Variants in GPM6A observed in about 807,000 individuals in gnomAD.
The protein encoded by GPM6A is glycoprotein M6A.
A neutral mutation model predicts 32.1 loss-of-function variants in GPM6A; 7 were observed. The observed-to-expected ratio is 0.22, with a 90% CI of 0.12 to 0.41. The LOEUF is 0.41. GPM6A is among the 10% of genes least tolerant of loss of function. GPM6A has a pLI of 1.00. For synonymous variants in GPM6A, 130 were observed against 123.4 expected (o/e 1.05, Z -0.35); for missense variants, 235 against 347.2 (o/e 0.68, Z 2.57).
At chr4:175,909,159 G>C (rs1451412432) in intron 1 of GPM6A, among the ~76,000 whole-genome samples, 2 of 151,012 alleles carry the variant, frequency 1.3e-5, no homozygotes, top group Non-Finnish European at 2.9e-5. Context: ...GGGAAAGATA[G>C]GTCAGAAAAT....
chr4:175,744,138 G>C (rs4577522), intron 1 of GPM6A, among the ~76,000 whole-genome samples: 32,970 of 151,868 alleles, frequency 0.22, 3,839 homozygotes, highest in East Asian at 0.26. Context: ...AAACAAATGT[G>C]AAAATGTTTG....
At chr4:175,902,591 T>G (rs1416365705) in intron 1 of GPM6A, among the ~76,000 whole-genome samples, 2 of 152,058 alleles carry the variant, frequency 1.3e-5, no homozygotes, top group Admixed American at 6.6e-5. Flanking sequence ...AAGATTTGGG[T>G]GGGGTGGCCA....
chr4:175,641,599 A>G (rs1005523647), intron 4 of GPM6A: 1 of 152,192 alleles, frequency 6.6e-6, no homozygotes, highest in Non-Finnish European at 1.5e-5. Flanking sequence ...ACATACAGGC[A>G]TGATAAAACA....
chr4:175,712,501 C>T (rs948059712), intron 1 of GPM6A, among the ~76,000 whole-genome samples: 2 of 152,182 alleles, frequency 1.3e-5, no homozygotes, highest in African/African-American at 2.4e-5. Flanking sequence ...AAAGCAAATG[C>T]TTTTATTTAG....
intron 1 of GPM6A, among the ~76,000 whole-genome samples, chr4:175,773,804 C>T (rs1004263151): frequency 1.9e-4 from 29 of 152,204 alleles, no homozygotes; most frequent in African/African-American, 6.7e-4. Flanking sequence ...AGACAAAAGG[C>T]TTGCCCGAGC....
chr4:175,727,527 T>C (rs2111131969), intron 1 of GPM6A, among the ~76,000 whole-genome samples: 2 of 152,314 alleles, frequency 1.3e-5, no homozygotes, highest in Admixed American at 1.3e-4. Flanking sequence ...TTTAATTAAA[T>C]ACTTAATTTT....
chr4:175,637,290 A>G (rs1327891709), intron 6 of GPM6A, among the ~76,000 whole-genome samples: 1 of 54,666 alleles, frequency 1.8e-5, no homozygotes, highest in Non-Finnish European at 3.1e-5. Flanking sequence ...ATTATATAAA[A>G]TATATATTAT....
intron 1 of GPM6A, among the ~76,000 whole-genome samples, chr4:175,844,759 A>G (rs1269972525): frequency 6.6e-6 from 1 of 152,146 alleles, no homozygotes; most frequent in Non-Finnish European, 1.5e-5. Flanking sequence ...AATTCCTCCA[A>G]TGCCTCTTAG....
chr4:175,996,994 C>G (rs1277758208), intron 1 of GPM6A, among the ~76,000 whole-genome samples: 1 of 151,984 alleles, frequency 6.6e-6, no homozygotes, highest in Admixed American at 6.6e-5. Context: ...CCTCTTGAAA[C>G]CTAGCCACCA....
intron 2 of GPM6A, among the ~76,000 whole-genome samples, chr4:175,680,081 G>A (rs1579376852): frequency 6.6e-6 from 1 of 152,144 alleles, no homozygotes; most frequent in East Asian, 1.9e-4. Context: ...ACACATGTAT[G>A]TATACACACA....
At chr4:175,731,482 C>T (rs773203459) in intron 1 of GPM6A, among the ~76,000 whole-genome samples, 1 of 151,856 alleles carries the variant, frequency 6.6e-6, no homozygotes, top group Non-Finnish European at 1.5e-5. Flanking sequence ...TAAGGAATGT[C>T]GCTCTCCACA....
intron 2 of GPM6A, among the ~76,000 whole-genome samples, chr4:175,683,441 G>A (rs763999716): frequency 1.3e-5 from 2 of 152,138 alleles, no homozygotes; most frequent in Non-Finnish European, 2.9e-5. Flanking sequence ...TGACTGTTGG[G>A]AAGGCATGAT....
intron 1 of GPM6A, among the ~76,000 whole-genome samples, chr4:175,709,412 A>G (rs1366983399): frequency 6.7e-6 from 1 of 149,916 alleles, no homozygotes; most frequent in Non-Finnish European, 1.5e-5. Flanking sequence ...AGGACAACCT[A>G]TGTTTTACAC....
intron 5 of GPM6A, 31 bp from the exon 6 acceptor site, chr4:175,640,225 T>C (rs940939943): frequency 7.7e-6 from 12 of 1,565,524 alleles, no homozygotes; most frequent in African/African-American, 1.4e-5. Context: ...AATCAAAAGG[T>C]GTCAGAGTTA....
intron 1 of GPM6A, among the ~76,000 whole-genome samples, chr4:175,727,181 C>A (rs9284954): frequency 0.52 from 78,296 of 151,902 alleles, 20,296 homozygotes; most frequent in Admixed American, 0.56. Context: ...TCGGTATTAC[C>A]AAAAGATAAC....
chr4:175,931,265 T>C (rs1377920951), intron 1 of GPM6A, among the ~76,000 whole-genome samples: 1 of 152,110 alleles, frequency 6.6e-6, no homozygotes, highest in Non-Finnish European at 1.5e-5. Context: ...AAATATTAGA[T>C]AAACCCTACT....
chr4:175,853,170 T>C lies in GPM6A; in HGVS notation c.-22-40921A>G, dbSNP rs547996653. ...TTAAAGAAAAAATTTCAAACCATTT[T>C]GGTTCAAAGAGATTAAAATACTTTA... is the stretch of plus-strand genomic sequence containing the variant. On this transcript the variant is annotated intron_variant, in intron 1 of 7. Transcript: ENST00000280187. Among the ~76,000 whole-genome samples, 8 of 152,242 alleles carry C rather than the reference T, an allele frequency of 5.3e-5. No individual in the cohort carries two copies. In the South Asian group the frequency reaches 1.5e-3, roughly 28 times the overall value.
At chr4:175,643,045 G>A (rs1219070201) in intron 4 of GPM6A, among the ~76,000 whole-genome samples, 1 of 151,880 alleles carries the variant, frequency 6.6e-6, no homozygotes, top group Admixed American at 6.6e-5. Flanking sequence ...AACCCTACAT[G>A]CAATCTATCA....
chr4:175,956,779 C>A (rs1740001372), intron 1 of GPM6A, among the ~76,000 whole-genome samples: 1 of 152,048 alleles, frequency 6.6e-6, no homozygotes, highest in Non-Finnish European at 1.5e-5. Context: ...ATTTTAATCC[C>A]AATTGTATTT....
Sources: allele counts gnomAD v4.1 joint callset (sites outside exome capture counted in the v4.1 genomes callset), GRCh38; gene constraint gnomAD v4.1.1; transcripts MANE v1.5; gene names NCBI Gene and HGNC (gene_info 2026-07-23, HGNC 2026-07-21).